FGF13: variants seen among roughly 807,000 people sequenced by gnomAD.
The protein encoded by FGF13 is fibroblast growth factor homologous factor 2.
FGF13 carries 2 observed loss-of-function variants against 19.5 expected under a neutral mutation model. The observed-to-expected ratio is 0.10, with a 90% CI of 0.04 to 0.32. The LOEUF (loss-of-function observed/expected upper bound fraction) is 0.32, where lower values mean the gene tolerates loss of function less well. Ranked by LOEUF, FGF13 falls within the 10% of genes least tolerant of loss-of-function variation. The pLI, the probability that FGF13 is intolerant of heterozygous loss-of-function variation, is 1.00. For missense variants in FGF13, 113 were observed against 192.7 expected (o/e 0.59, Z 2.45); for synonymous variants, 72 against 76.9 (o/e 0.94, Z 0.33).
intron 2 of FGF13, among the ~76,000 whole-genome samples, chrX:138,861,671 T>C: frequency 8.9e-6 from 1 of 112,405 alleles, no homozygotes; most frequent in Non-Finnish European, 1.9e-5. Context: ...GCCTATCATG[T>C]AGCCAGGATT....
chrX:139,197,098 A>G (rs2084378113), intron 1 of FGF13, among the ~76,000 whole-genome samples: 1 of 112,295 alleles, frequency 8.9e-6, no homozygotes, highest in South Asian at 3.7e-4. Flanking sequence ...TTCTGATATG[A>G]CAACAAAACA....
chrX:138,972,720 A>C (rs1201333165), intron 1 of FGF13, among the ~76,000 whole-genome samples: 2 of 110,994 alleles, frequency 1.8e-5, no homozygotes, highest in Non-Finnish European at 3.8e-5. Flanking sequence ...GTGAGATGAT[A>C]TTTCATTGTA....
intron 3 of FGF13, among the ~76,000 whole-genome samples, chrX:138,662,286 A>G (rs1209147450): frequency 1.8e-5 from 2 of 111,806 alleles, no homozygotes; most frequent in African/African-American, 6.5e-5. Flanking sequence ...CTTTTCAGAC[A>G]AGAGTACAGT....
intron 1 of FGF13, among the ~76,000 whole-genome samples, chrX:139,077,059 C>A (rs760836019): frequency 9.0e-6 from 1 of 111,646 alleles, no homozygotes; most frequent in African/African-American, 3.3e-5. Context: ...TATCACTGCA[C>A]CTGCACTGTT....
chrX:139,011,428 A>T (rs764890024), intron 1 of FGF13, among the ~76,000 whole-genome samples: 1 of 110,866 alleles, frequency 9.0e-6, no homozygotes, highest in Non-Finnish European at 1.9e-5. Flanking sequence ...AAATAGATGC[A>T]AAAATCCTCA....
chrX:139,106,384 CTTCTGCATAGT>C (rs1264699862), intron 1 of FGF13, among the ~76,000 whole-genome samples: 2 of 112,718 alleles, frequency 1.8e-5, no homozygotes, highest in Non-Finnish European at 3.7e-5. Context: ...GTCACTATAC[CTTCTGCATAGT>C]TTTGTTCCAT....
chrX:138,987,601 GTAGA>G (rs1196310037), intron 1 of FGF13, among the ~76,000 whole-genome samples: 2 of 112,224 alleles, frequency 1.8e-5, no homozygotes, highest in Non-Finnish European at 3.8e-5. Context: ...GACTCAGATA[GTAGA>G]TAAAGTTCTG....
intron 1 of FGF13, among the ~76,000 whole-genome samples, chrX:139,107,279 G>A (rs1438228050): frequency 2.7e-5 from 3 of 111,794 alleles, no homozygotes; most frequent in African/African-American, 6.5e-5. Flanking sequence ...ATTGTGACTT[G>A]CTCCTTTAAG....
chrX:139,161,353 A>T (rs989701097), intron 1 of FGF13, among the ~76,000 whole-genome samples: 1 of 112,026 alleles, frequency 8.9e-6, no homozygotes, highest in African/African-American at 3.2e-5. Flanking sequence ...TCAAAATAAT[A>T]AGAGCTACTT....
chrX:139,062,905 T>C (rs1217024145), intron 1 of FGF13, among the ~76,000 whole-genome samples: 1 of 111,944 alleles, frequency 8.9e-6, no homozygotes, highest in African/African-American at 3.2e-5. Flanking sequence ...TCCATAGCAG[T>C]AGCCAAATCA....
chrX:138,784,748 T>C (rs2090679213), intron 3 of FGF13, among the ~76,000 whole-genome samples: 1 of 111,728 alleles, frequency 9.0e-6, no homozygotes, highest in African/African-American at 3.3e-5. Flanking sequence ...TTCAAGTCTC[T>C]CTATCCAGAC....
intron 3 of FGF13, among the ~76,000 whole-genome samples, chrX:138,758,723 C>T (rs2090447129): frequency 8.9e-6 from 1 of 112,278 alleles, no homozygotes; most frequent in Admixed American, 9.4e-5. Flanking sequence ...ATTACAAAAA[C>T]TGTCAGAAGT....
intron 1 of FGF13, among the ~76,000 whole-genome samples, chrX:138,919,248 T>C (rs1403437626): frequency 9.0e-6 from 1 of 111,421 alleles, no homozygotes; most frequent in Non-Finnish European, 1.9e-5. Context: ...AAAAGAACTC[T>C]AACAAATCAG....
In FGF13 at chrX:139,130,738, A is replaced by G. The variant is rs759965318; in HGVS notation, c.-113+72678T>C. Among the ~76,000 whole-genome samples the G allele has an allele frequency of 3.6e-5, 4 of 112,086 alleles. No individual in the cohort carries two copies. In the East Asian group the frequency reaches 8.4e-4, roughly 23 times the overall value. On this transcript the variant is annotated intron_variant, in intron 1 of 2. Transcript: ENST00000421460. ...CATCTGTAATTTTTTCTATTTTCAT[A>G]GGGACTTTCTCTTTTCCCCATGAAA... is the stretch of plus-strand genomic sequence containing the variant.
chrX:138,999,988 C>T (rs183016143), intron 1 of FGF13, among the ~76,000 whole-genome samples: 15 of 111,900 alleles, frequency 1.3e-4, no homozygotes, highest in East Asian at 8.4e-4. Flanking sequence ...TTATCCACCA[C>T]GATCAAGTAG....
At chrX:138,821,883 A>G (rs1346958469) in intron 3 of FGF13, among the ~76,000 whole-genome samples, 1 of 111,664 alleles carries the variant, frequency 9.0e-6, no homozygotes, top group Non-Finnish European at 1.9e-5. Flanking sequence ...AAAATAATCA[A>G]ATTATTCTCC....
chrX:139,059,059 C>A (rs753872963), intron 1 of FGF13, among the ~76,000 whole-genome samples: 1 of 111,415 alleles, frequency 9.0e-6, no homozygotes, highest in African/African-American at 3.3e-5. Context: ...AGAAAAAAGT[C>A]TTTTAGTATC....
chrX:138,773,035 TAA>T (rs752536704), intron 3 of FGF13, among the ~76,000 whole-genome samples: 237 of 97,088 alleles, frequency 2.4e-3, no homozygotes, highest in African/African-American at 7.7e-3. Context: ...CTATATTTAG[TAA>T]AAAAAAAAAA....
At chrX:138,741,545 C>A (rs772750697), upstream of FGF13, among the ~76,000 whole-genome samples, 1 of 111,926 alleles carries the variant, frequency 8.9e-6, no homozygotes, top group Non-Finnish European at 1.9e-5. Flanking sequence ...GGAGCCCTCT[C>A]CACCCTCAGT....
Sources: allele counts gnomAD v4.1 joint callset (sites outside exome capture counted in the v4.1 genomes callset), GRCh38; gene constraint gnomAD v4.1.1; transcripts MANE v1.5; gene names NCBI Gene and HGNC (gene_info 2026-07-23, HGNC 2026-07-21).